The following NELL1 variants were observed in gnomAD, a reference collection of about 807,000 sequenced individuals.
NELL1 encodes the protein neural EGFL like 1.
Under a neutral mutation model 107.4 loss-of-function variants are expected in NELL1, and 76 were observed. The observed-to-expected ratio is 0.71, with a 90% CI of 0.59 to 0.86. NELL1 has a LOEUF of 0.86. NELL1 is among the 40% of genes least tolerant of loss of function. The pLI is 0.00. For missense variants in NELL1, 1,024 were observed against 1,005.5 expected, an observed-to-expected ratio of 1.02 and a Z score of -0.25; for synonymous variants, 353 against 341.2, an observed-to-expected ratio of 1.03 and a Z score of -0.38.
intron 17 of NELL1, among the ~76,000 whole-genome samples, chr11:21,562,000 C>T (rs1168982516): frequency 3.3e-5 from 5 of 151,920 alleles, no homozygotes; most frequent in African/African-American, 1.2e-4. Context: ...TTTCAAGAAA[C>T]TATTGTGTTA....
chr11:21,305,290 G>A (rs537659439), intron 14 of NELL1, among the ~76,000 whole-genome samples: 5 of 152,124 alleles, frequency 3.3e-5, no homozygotes, highest in Non-Finnish European at 5.9e-5. Context: ...ATGTGCAGAT[G>A]CAGATGTGTT....
chr11:21,041,722 A>G (rs1271350692), intron 12 of NELL1, among the ~76,000 whole-genome samples: 1 of 152,216 alleles, frequency 6.6e-6, no homozygotes, highest in African/African-American at 2.4e-5. Flanking sequence ...TGTTTATTCT[A>G]ATAGTCCTTA....
intron 12 of NELL1, among the ~76,000 whole-genome samples, chr11:21,015,347 G>A (rs1852540733): frequency 1.3e-5 from 2 of 152,108 alleles, no homozygotes; most frequent in South Asian, 4.1e-4. Flanking sequence ...AATTATTGCT[G>A]TGATTACTTG....
chr11:20,724,258 G>T (rs1177308039), intron 2 of NELL1, among the ~76,000 whole-genome samples: 1 of 152,240 alleles, frequency 6.6e-6, no homozygotes, highest in African/African-American at 2.4e-5. Context: ...TCTGCAGCCA[G>T]CTTGAACTTC....
At chr11:21,127,732 T>C (rs1855519157) in intron 13 of NELL1, among the ~76,000 whole-genome samples, 1 of 152,214 alleles carries the variant, frequency 6.6e-6, no homozygotes, top group African/African-American at 2.4e-5. Flanking sequence ...TTTCAATGCC[T>C]GCATTTGTAG....
intron 13 of NELL1, among the ~76,000 whole-genome samples, chr11:21,199,502 G>T (rs997224170): frequency 6.6e-6 from 1 of 152,010 alleles, no homozygotes; most frequent in South Asian, 2.1e-4. Flanking sequence ...ATATTTCCAG[G>T]GTGGCATTCC....
chr11:21,519,175 A>G (rs1591000069), intron 15 of NELL1, among the ~76,000 whole-genome samples: 2 of 152,326 alleles, frequency 1.3e-5, no homozygotes, highest in East Asian at 3.9e-4. Flanking sequence ...CTCCATCTCC[A>G]GCAGACTTCT....
At chr11:20,921,967 C>G (rs987892101) in intron 7 of NELL1, among the ~76,000 whole-genome samples, 14 of 152,118 alleles carry the variant, frequency 9.2e-5, no homozygotes, top group Non-Finnish European at 1.9e-4. Flanking sequence ...GGTGAAGTCT[C>G]AGGAAAGGAT....
intron 13 of NELL1, among the ~76,000 whole-genome samples, chr11:21,217,983 G>C (rs1480041444): frequency 6.6e-6 from 1 of 152,166 alleles, no homozygotes; most frequent in Non-Finnish European, 1.5e-5. Flanking sequence ...AAGGAACTAT[G>C]TGATAATGAC....
rs747282858 is a variant in NELL1, at chr11:20,928,487, C to G, written c.997+8C>G. The G allele has an allele frequency of 5.1e-5, 82 of 1,605,912 alleles. No homozygotes were observed. The highest frequency in any genetic ancestry group is 6.7e-5 in the Non-Finnish European group (79 of 1,172,682). ...GCTGTAAGGTCTGCCGACGTAAGTACTGACTGAGGGTCAGACTGGCTGTCT... is the reference window on the plus strand; with the variant it reads ...GCTGTAAGGTCTGCCGACGTAAGTAGTGACTGAGGGTCAGACTGGCTGTCT... On this transcript the variant is annotated splice_region_variant and intron_variant, in intron 9 of 19. Coordinates refer to ENST00000357134, the MANE Select transcript of NELL1 (RefSeq NM_006157.5).
chr11:21,489,175 A>C (rs1413424784), intron 15 of NELL1, among the ~76,000 whole-genome samples: 1 of 151,884 alleles, frequency 6.6e-6, no homozygotes, highest in African/African-American at 2.4e-5. Context: ...ACCCCAAAAC[A>C]TAGAGGAAAT....
intron 9 of NELL1, among the ~76,000 whole-genome samples, chr11:20,929,178 C>T (rs1328307401): frequency 6.6e-6 from 1 of 152,134 alleles, no homozygotes; most frequent in Non-Finnish European, 1.5e-5. Flanking sequence ...AAGCCCATAG[C>T]CTTTTTATCA....
intron 14 of NELL1, among the ~76,000 whole-genome samples, chr11:21,316,662 GA>G (rs1565164264): frequency 6.6e-6 from 1 of 152,144 alleles, no homozygotes; most frequent in Admixed American, 6.6e-5. Context: ...CCAGATTACT[GA>G]ATAGAGAATT....
At chr11:20,812,220 T>G (rs564766527) in intron 3 of NELL1, among the ~76,000 whole-genome samples, 1 of 152,316 alleles carries the variant, frequency 6.6e-6, no homozygotes, top group Non-Finnish European at 1.5e-5. Flanking sequence ...TCCATTCTGC[T>G]CATGTGCTGC....
intron 19 of NELL1, among the ~76,000 whole-genome samples, chr11:21,574,292 C>T (rs570620543): frequency 1.3e-5 from 2 of 151,424 alleles, no homozygotes; most frequent in East Asian, 2.0e-4. Context: ...TAAGATGTAG[C>T]CCCAGTAGAA....
At chr11:20,916,575 T>C (rs1161483956) in intron 5 of NELL1, among the ~76,000 whole-genome samples, 1 of 151,844 alleles carries the variant, frequency 6.6e-6, no homozygotes, top group Non-Finnish European at 1.5e-5. Context: ...GATGAACAGG[T>C]ATGGATCCTA....
intron 15 of NELL1, among the ~76,000 whole-genome samples, chr11:21,434,743 T>C (rs1432871991): frequency 4.6e-5 from 7 of 152,158 alleles, no homozygotes; most frequent in Non-Finnish European, 7.4e-5. Flanking sequence ...AAGAATGTTA[T>C]TGGTATTTTG....
intron 15 of NELL1, among the ~76,000 whole-genome samples, chr11:21,425,080 T>A (rs114139294): frequency 0.015 from 2,350 of 152,184 alleles, 59 homozygotes; most frequent in African/African-American, 0.054. Context: ...AAGGATTATA[T>A]AACATGACCA....
intron 15 of NELL1, among the ~76,000 whole-genome samples, chr11:21,532,171 T>C (rs1290423354): frequency 6.6e-6 from 1 of 152,194 alleles, no homozygotes; most frequent in Admixed American, 6.5e-5. Context: ...GCTTCTCCAC[T>C]ACTTTCTCAT....
Sources: gnomAD v4.1 joint callset for allele counts (sites outside exome capture counted in the v4.1 genomes callset) on GRCh38, gnomAD v4.1.1 for gene constraint, MANE v1.5 for transcripts, NCBI Gene and HGNC (gene_info 2026-07-23, HGNC 2026-07-21) for gene names.